The following TYRP1 variants were observed in gnomAD, a reference collection of about 807,000 sequenced individuals.
TYRP1 encodes tyrosinase related protein 1.
TYRP1 carries 49 observed loss-of-function variants against 42.8 expected under a neutral mutation model. The ratio of observed to expected loss-of-function variants is 1.14; its 90% CI spans 0.91 to 1.45. The LOEUF is 1.45. Ranked by LOEUF, TYRP1 falls within the 40% of genes most tolerant of loss-of-function variation. The pLI is 0.00. For missense variants in TYRP1, 848 were observed against 662.0 expected, an observed-to-expected ratio of 1.28 and a Z score of -3.08; for synonymous variants, 279 against 235.4, an observed-to-expected ratio of 1.19 and a Z score of -1.69.
intron 3 of TYRP1, among the ~76,000 whole-genome samples, chr9:12,697,847 C>CTGAG (rs1818101933): frequency 6.6e-6 from 1 of 152,132 alleles, no homozygotes. Flanking sequence ...AGGCAGAAGC[C>CTGAG]TGAGTCTTAA....
intron 1 of TYRP1, 146 bp from the exon 2 acceptor site, chr9:12,693,764 AAT>A (rs1554647101): frequency 2.3e-6 from 1 of 437,558 alleles, no homozygotes. Flanking sequence ...TTAAAGGTAA[AAT>A]TTGTGTGAAA....
At position 12,695,556 on chromosome 9, in the gene TYRP1, C is replaced by G. The variant is rs745843615; in HGVS notation, c.427C>G (p.His143Asp). 3.7e-6 allele frequency: 6 copies of G among 1,613,922 alleles called. No individual in the cohort carries two copies. The highest frequency in any genetic ancestry group is 5.1e-6 in the Non-Finnish European group (6 of 1,180,002). The change falls in exon 3 of 8, where the codon CAC becomes GAC. Residue 143 changes from histidine to aspartate, a missense_variant. His to Asp is a moderately conservative substitution (Grantham distance 81). Transcript: ENST00000388918. ...GGACTTAAGTAAAGAAGAAAAGAACCACTTTGTCCGGGCCCTGGATATGGC... is the reference window on the plus strand; with the variant it reads ...GGACTTAAGTAAAGAAGAAAAGAACGACTTTGTCCGGGCCCTGGATATGGC... ...LLDLSKEEKN[H>D]FVRALDMAKR...
chr9:12,697,090 A>T (rs186230214), intron 3 of TYRP1, among the ~76,000 whole-genome samples: 268 of 152,254 alleles, frequency 1.8e-3, no homozygotes, highest in Admixed American at 3.0e-3. Context: ...TATAGCTCTG[A>T]TTGCAAGTAA....
rs112160391 is a variant in TYRP1, at chr9:12,695,449, T to A, written c.386-66T>A. On this transcript the variant is annotated intron_variant, in intron 2 of 7. Coordinates refer to ENST00000388918, the MANE Select transcript of TYRP1 (RefSeq NM_000550.3). ...GGGTCGTGGTGTGTTACAAGATGAT[T>A]ATGCTCTTTCTCTACCCATCCCCGC... The A allele has an allele frequency of 1.8e-5, 26 of 1,441,676 alleles. 1 individual carries two copies. Among genetic ancestry groups the A allele is most frequent in the Middle Eastern group, 3.5e-4 (2 of 5,654 alleles). The allele number at this position is 1,441,676 out of a possible 1,614,324, so 89.3% of individuals were successfully genotyped here. A position where few individuals can be genotyped will look rare whatever the true frequency, so the allele number is the denominator to read the frequency against.
At position 12,698,611 on chromosome 9, in the gene TYRP1, G is replaced by A. The variant is rs1464392642; in HGVS notation, c.869G>A (p.Cys290Tyr). The A allele has an allele frequency of 3.1e-6, 5 of 1,613,694 alleles. No homozygotes were observed. Among genetic ancestry groups the A allele is most frequent in the Non-Finnish European group, 4.2e-6 (5 of 1,179,808 alleles). Residue 290 changes from cysteine (C) to tyrosine (Y), a missense_variant, in exon 4 of 8, where the codon TGT becomes TAT. Cys to Tyr is a radical substitution (Grantham distance 194). Coordinates refer to ENST00000388918, the MANE Select transcript of TYRP1 (RefSeq NM_000550.3). ...NSVFSQWRVV[C>Y]DSLEDYDTLG... ...GTCTTTTCTCAATGGCGAGTGGTCT[G>A]TGACTCCTTGGAAGATTATGATACC...
chr9:12,698,268 A>C (rs1004097930), intron 3 of TYRP1, among the ~76,000 whole-genome samples, 183 bp from the exon 4 acceptor site: 2 of 152,094 alleles, frequency 1.3e-5, no homozygotes, highest in African/African-American at 4.8e-5. Context: ...CCTTGTAATA[A>C]ATTACCAGCT....
At chr9:12,708,192 G>A (rs147966025) in intron 7 of TYRP1, 49 bp downstream of exon 7, 1 of 1,603,092 alleles carries the variant, frequency 6.2e-7, no homozygotes, top group Non-Finnish European at 8.5e-7. Flanking sequence ...AAAAGCAAAT[G>A]TGTTATCTTT....
intron 4 of TYRP1, among the ~76,000 whole-genome samples, chr9:12,698,889 G>A (rs1246194822): frequency 1.3e-5 from 2 of 152,112 alleles, no homozygotes. Context: ...TTCTTGAGTA[G>A]TTTGGTCAAT....
At position 12,710,090 on chromosome 9, in the gene TYRP1, T is replaced by TAC. The variant is rs1818335504; in HGVS notation, c.*908_*909insAC. On this transcript the variant is annotated 3_prime_UTR_variant, in exon 8 of 8. Coordinates refer to ENST00000388918, the MANE Select transcript of TYRP1 (RefSeq NM_000550.3). ...TTCCAAGTAAAATATTAACATATTA[T>TAC]TTCATTGGTCTTCTTTTTTATCTGG... 6.6e-6 allele frequency: 1 copy of TAC among 151,568 alleles called. No homozygotes were observed. Among genetic ancestry groups the TAC allele is most frequent in the South Asian group, 2.1e-4 (1 of 4,826 alleles). The allele number at this position is 151,568 out of a possible 1,614,324, so 9.4% of individuals were successfully genotyped here. A position where few individuals can be genotyped will look rare whatever the true frequency, so the allele number is the denominator to read the frequency against.
Position 12,693,995 on chromosome 9 carries a change from G to GTGCTCC in TYRP1, c.-2_-1insTGCTCC, listed in dbSNP as rs1818034562. The GTGCTCC allele has an allele frequency of 6.2e-7, 1 of 1,613,688 alleles. No homozygotes were observed. The highest frequency in any genetic ancestry group is 8.5e-7 in the Non-Finnish European group (1 of 1,179,984). On this transcript the variant is annotated 5_prime_UTR_variant, in exon 2 of 8. Transcript: ENST00000388918. ...TTGTTTTGCACTCTTATTTCAAGCA[G>GTGCTCC]AATGAGTGCTCCTAAACTCCTCTCT...
At chr9:12,708,207 T>G in intron 7 of TYRP1, 64 bp downstream of exon 7, 1 of 1,574,006 alleles carries the variant, frequency 6.4e-7, no homozygotes, top group South Asian at 1.1e-5. Flanking sequence ...ATCTTTCAAG[T>G]AGAGTAATCA....
At chr9:12,696,050 A>G (rs1403693756) in intron 3 of TYRP1, among the ~76,000 whole-genome samples, 1 of 152,242 alleles carries the variant, frequency 6.6e-6, no homozygotes, top group Non-Finnish European at 1.5e-5. Flanking sequence ...AGCAAAATCA[A>G]TAATGAGCAA....
At chr9:12,704,470 G>T in intron 5 of TYRP1, 56 bp from the exon 6 acceptor site, 1 of 1,578,644 alleles carries the variant, frequency 6.3e-7, no homozygotes, top group Non-Finnish European at 8.6e-7. Flanking sequence ...GCTATTACCT[G>T]GAAAAGTGAA....
At chr9:12,708,860 G>C (rs1818305163) in intron 7 of TYRP1, 117 bp from the exon 8 acceptor site, 1 of 1,011,762 alleles carries the variant, frequency 9.9e-7, no homozygotes, top group African/African-American at 1.6e-5. Flanking sequence ...TGTGGCCAAT[G>C]TAAATTAAAT....
intron 6 of TYRP1, 76 bp downstream of exon 6, chr9:12,704,781 G>A: frequency 7.0e-7 from 1 of 1,435,084 alleles, no homozygotes; most frequent in Admixed American, 1.7e-5. Flanking sequence ...AGTTCAAGCT[G>A]AGCACTCAGC....
chr9:12,698,978 T>G (rs1818123303), intron 4 of TYRP1, among the ~76,000 whole-genome samples: 1 of 152,086 alleles, frequency 6.6e-6, no homozygotes, highest in African/African-American at 2.4e-5. Flanking sequence ...TACTTAGAAG[T>G]CATGTGTCTT....
At chr9:12,704,757 A>C in intron 6 of TYRP1, 52 bp downstream of exon 6, 1 of 1,560,938 alleles carries the variant, frequency 6.4e-7, no homozygotes, top group Admixed American at 1.7e-5. Flanking sequence ...GATTGTTTAG[A>C]TGGCATAGTT....
chr9:12,700,044 A>T (rs1036871440), intron 4 of TYRP1: 1 of 152,164 alleles, frequency 6.6e-6, no homozygotes, highest in Non-Finnish European at 1.5e-5. Context: ...TTTTAAGATT[A>T]TCCCTTGTCT....
intron 5 of TYRP1, among the ~76,000 whole-genome samples, chr9:12,703,640 G>T (rs1310152252): frequency 2.0e-5 from 3 of 151,736 alleles, no homozygotes; most frequent in African/African-American, 7.3e-5. Flanking sequence ...ATAGATGCTT[G>T]AAAAAATGCA....
Sources: gnomAD v4.1 joint callset for allele counts (sites outside exome capture counted in the v4.1 genomes callset) on GRCh38, gnomAD v4.1.1 for gene constraint, MANE v1.5 for transcripts, NCBI Gene and HGNC (gene_info 2026-07-23, HGNC 2026-07-21) for gene names.